NDST3: variants seen among roughly 807,000 people sequenced by gnomAD.
The protein encoded by NDST3 is bifunctional heparan sulfate N-deacetylase/N-sulfotransferase 3.
Under a neutral mutation model 96.1 loss-of-function variants are expected in NDST3, and 58 were observed. The ratio of observed to expected loss-of-function variants is 0.60; its 90% CI spans 0.49 to 0.75. The LOEUF (loss-of-function observed/expected upper bound fraction) is 0.75. Among genes scored for constraint, NDST3 ranks in the 30% least tolerant of loss-of-function variants. The pLI is 0.00. For missense variants in NDST3, 788 were observed against 1,034.2 expected, an observed-to-expected ratio of 0.76 and a Z score of 3.27; for synonymous variants, 333 against 359.7, an observed-to-expected ratio of 0.93 and a Z score of 0.84.
intron 2 of NDST3, among the ~76,000 whole-genome samples, chr4:118,073,647 T>C (rs750133772): frequency 6.6e-6 from 1 of 152,068 alleles, no homozygotes; most frequent in African/African-American, 2.4e-5. Flanking sequence ...CTATTGATCT[T>C]ATTTATTTTT....
chr4:118,160,011 A>G (rs1176438604), intron 6 of NDST3, among the ~76,000 whole-genome samples: 2 of 152,198 alleles, frequency 1.3e-5, no homozygotes, highest in Non-Finnish European at 2.9e-5. Context: ...CGAAGAAATA[A>G]TGGCCAAAAC....
intron 9 of NDST3, among the ~76,000 whole-genome samples, chr4:118,234,839 G>A (rs1196245624): frequency 2.0e-5 from 3 of 151,938 alleles, no homozygotes; most frequent in Non-Finnish European, 2.9e-5. Context: ...AGACCAGCCT[G>A]GCCAACATGG....
At chr4:118,079,549 T>C (rs908229168) in intron 2 of NDST3, among the ~76,000 whole-genome samples, 1 of 152,084 alleles carries the variant, frequency 6.6e-6, no homozygotes, top group South Asian at 2.1e-4. Flanking sequence ...GCACAGTGAA[T>C]GTGAGGGAGC....
intron 4 of NDST3, among the ~76,000 whole-genome samples, chr4:118,125,842 A>C (rs1732008444): frequency 1.3e-5 from 2 of 152,062 alleles, no homozygotes; most frequent in Non-Finnish European, 2.9e-5. Context: ...ACATAGTCTA[A>C]CATTTAATAA....
At chr4:118,101,879 C>T (rs1729794124) in intron 2 of NDST3, among the ~76,000 whole-genome samples, 1 of 152,044 alleles carries the variant, frequency 6.6e-6, no homozygotes, top group Admixed American at 6.6e-5. Context: ...TTATAGTATA[C>T]TCATTTGATG....
At position 118,224,526 on chromosome 4, in the gene NDST3, G is replaced by T. The variant is rs781207955; in HGVS notation, c.1575G>T (p.Gly525=). 1 of 1,609,804 alleles carries T rather than the reference G, an allele frequency of 6.2e-7. No homozygotes were observed. Among genetic ancestry groups the T allele is most frequent in the Non-Finnish European group, 8.5e-7 (1 of 1,178,074 alleles). ...TCATGACCCATTTGTCCAACTATGG[G>T]AATGACCGACTGGGATTATATACAT... ...SIFMTHLSNY[G]NDRLGLYTFV... The change falls in exon 7 of 14, where the codon GGG becomes GGT. Residue 525 remains glycine (G), a synonymous_variant. Coordinates refer to ENST00000296499, the MANE Select transcript of NDST3 (RefSeq NM_004784.3).
intron 8 of NDST3, among the ~76,000 whole-genome samples, chr4:118,228,419 A>G (rs564714522): frequency 1.3e-5 from 2 of 152,268 alleles, no homozygotes; most frequent in Admixed American, 6.5e-5. Context: ...GTTGTGCTGG[A>G]TATGCAGACA....
chr4:118,111,096 A>G (rs1347671537), intron 3 of NDST3, among the ~76,000 whole-genome samples: 3 of 152,170 alleles, frequency 2.0e-5, no homozygotes, highest in Non-Finnish European at 4.4e-5. Flanking sequence ...GTTCTCATTT[A>G]TAAGTGAGAA....
intron 2 of NDST3, among the ~76,000 whole-genome samples, chr4:118,094,207 T>C (rs1024013832): frequency 6.6e-6 from 1 of 151,898 alleles, no homozygotes; most frequent in East Asian, 1.9e-4. Context: ...TCTGATCTCA[T>C]AGGCATTTTG....
intron 4 of NDST3, among the ~76,000 whole-genome samples, chr4:118,132,558 C>T (rs1732723653): frequency 6.6e-6 from 1 of 152,138 alleles, no homozygotes; most frequent in East Asian, 1.9e-4. Context: ...TGCTCTACCC[C>T]ACTGTGGCCA....
intron 6 of NDST3, among the ~76,000 whole-genome samples, chr4:118,148,383 T>A (rs1016708426): frequency 6.6e-6 from 1 of 152,214 alleles, no homozygotes; most frequent in African/African-American, 2.4e-5. Flanking sequence ...GCCTCCTTCA[T>A]CAAACCATTA....
chr4:118,243,436 G>A (rs574593793), intron 12 of NDST3, among the ~76,000 whole-genome samples: 3 of 152,294 alleles, frequency 2.0e-5, no homozygotes, highest in East Asian at 1.9e-4. Flanking sequence ...ATACTTTGCT[G>A]TTATTATTAA....
chr4:118,178,849 T>G (rs1452536742), intron 6 of NDST3, among the ~76,000 whole-genome samples: 1 of 152,052 alleles, frequency 6.6e-6, no homozygotes, highest in Non-Finnish European at 1.5e-5. Flanking sequence ...ACACATTATT[T>G]CCTGTTGCTT....
At chr4:118,150,757 G>T (rs965354966) in intron 6 of NDST3, among the ~76,000 whole-genome samples, 1 of 151,332 alleles carries the variant, frequency 6.6e-6, no homozygotes, top group African/African-American at 2.4e-5. Context: ...GAGAGGATGT[G>T]GAGAAATAGG....
intron 3 of NDST3, among the ~76,000 whole-genome samples, chr4:118,113,751 TC>T (rs1204468406): frequency 6.6e-6 from 1 of 152,128 alleles, no homozygotes; most frequent in Non-Finnish European, 1.5e-5. Flanking sequence ...GAGATTTTTC[TC>T]CACACAAAAA....
At chr4:118,130,480 A>T (rs752240724) in intron 4 of NDST3, among the ~76,000 whole-genome samples, 1 of 151,982 alleles carries the variant, frequency 6.6e-6, no homozygotes, top group Non-Finnish European at 1.5e-5. Flanking sequence ...CTCACTTTTT[A>T]ATTTTTTGTT....
At chr4:118,173,671 T>C (rs1209707268) in intron 6 of NDST3, among the ~76,000 whole-genome samples, 1 of 152,204 alleles carries the variant, frequency 6.6e-6, no homozygotes, top group African/African-American at 2.4e-5. Flanking sequence ...GTAATCATCA[T>C]ATTCAGTACT....
At chr4:118,196,945 T>G (rs1737732874) in intron 6 of NDST3, among the ~76,000 whole-genome samples, 1 of 129,872 alleles carries the variant, frequency 7.7e-6, no homozygotes, top group Admixed American at 7.5e-5. Flanking sequence ...TTATTTGAAG[T>G]TTTTTTTTTT....
chr4:118,085,700 T>G (rs572457325), intron 2 of NDST3, among the ~76,000 whole-genome samples: 4 of 152,280 alleles, frequency 2.6e-5, no homozygotes, highest in African/African-American at 9.6e-5. Flanking sequence ...GGTAGTGGCT[T>G]GTTGTTGTTA....
Sources: gnomAD v4.1 joint callset for allele counts (sites outside exome capture counted in the v4.1 genomes callset) on GRCh38, gnomAD v4.1.1 for gene constraint, MANE v1.5 for transcripts, NCBI Gene and HGNC (gene_info 2026-07-23, HGNC 2026-07-21) for gene names.